SPAG16: variants seen among roughly 807,000 people sequenced by gnomAD.
SPAG16 encodes sperm-associated antigen 16 protein.
Under a neutral mutation model 80.4 loss-of-function variants are expected in SPAG16, and 86 were observed. That is an observed-to-expected ratio of 1.07 (90% confidence interval 0.90 to 1.28). The LOEUF (loss-of-function observed/expected upper bound fraction) is 1.28. Ranked by LOEUF, SPAG16 falls within the 50% of genes most tolerant of loss-of-function variation. The probability of loss-of-function intolerance (pLI) is 0.00; values close to 1 mark genes in which losing one functional copy is unlikely to be tolerated. For missense variants in SPAG16, 870 were observed against 765.3 expected (o/e 1.14, Z -1.61); for synonymous variants, 294 against 265.9 (o/e 1.11, Z -1.03).
At chr2:214,340,043 G>A (rs1697564033) in intron 15 of SPAG16, among the ~76,000 whole-genome samples, 1 of 152,188 alleles carries the variant, frequency 6.6e-6, no homozygotes, top group Non-Finnish European at 1.5e-5. Context: ...AAGTTGCTAA[G>A]TTTGTGGTAA....
chr2:214,323,544 T>A (rs1432502170), intron 15 of SPAG16, among the ~76,000 whole-genome samples: 2 of 152,316 alleles, frequency 1.3e-5, no homozygotes, highest in South Asian at 2.1e-4. Flanking sequence ...CCTAAGTGTA[T>A]TAAATCAAGG....
intron 13 of SPAG16, among the ~76,000 whole-genome samples, chr2:214,036,644 A>G (rs947214840): frequency 6.6e-6 from 1 of 152,168 alleles, no homozygotes; most frequent in African/African-American, 2.4e-5. Flanking sequence ...TGTCCTCTCT[A>G]CTAGTGACAA....
intron 15 of SPAG16, among the ~76,000 whole-genome samples, chr2:214,157,193 G>A (rs919745027): frequency 2.0e-5 from 3 of 152,092 alleles, no homozygotes; most frequent in Admixed American, 6.6e-5. Context: ...TATGCTCCAG[G>A]AATCATGCTT....
chr2:214,191,660 T>C (rs756125031), intron 15 of SPAG16, among the ~76,000 whole-genome samples: 10 of 133,486 alleles, frequency 7.5e-5, no homozygotes, highest in Non-Finnish European at 1.2e-4. Context: ...GTTGCAGTGA[T>C]CCAAGATCAT....
chr2:214,296,262 A>G (rs752066026), intron 15 of SPAG16, among the ~76,000 whole-genome samples: 4 of 152,216 alleles, frequency 2.6e-5, no homozygotes, highest in Non-Finnish European at 5.9e-5. Context: ...ATAGAATTCC[A>G]TAGTGTATAT....
intron 12 of SPAG16, among the ~76,000 whole-genome samples, chr2:213,946,586 T>G (rs2079484318): frequency 6.6e-6 from 1 of 152,196 alleles, no homozygotes; most frequent in African/African-American, 2.4e-5. Context: ...TCACCCAAAT[T>G]TTCCCGGTGA....
intron 15 of SPAG16, among the ~76,000 whole-genome samples, chr2:214,318,208 G>A: frequency 6.6e-6 from 1 of 151,988 alleles, no homozygotes; most frequent in South Asian, 2.1e-4. Flanking sequence ...TGCCCATTAT[G>A]ACTGATATGC....
chr2:213,835,003 C>G (rs1007199258), intron 10 of SPAG16, among the ~76,000 whole-genome samples: 2 of 152,108 alleles, frequency 1.3e-5, no homozygotes, highest in East Asian at 1.9e-4. Flanking sequence ...TATTTGAACT[C>G]TATCCCAGTT....
At chr2:213,762,585 C>T (rs558204314) in intron 10 of SPAG16, among the ~76,000 whole-genome samples, 4 of 152,092 alleles carry the variant, frequency 2.6e-5, no homozygotes, top group African/African-American at 7.2e-5. Context: ...ACTGGTTACC[C>T]TCATGTAAAA....
At chr2:213,771,394 C>T (rs1319841195) in intron 10 of SPAG16, among the ~76,000 whole-genome samples, 3 of 152,084 alleles carry the variant, frequency 2.0e-5, no homozygotes, top group Non-Finnish European at 1.5e-5. Flanking sequence ...TTCTCCTATT[C>T]TGTAGGTTGT....
At chr2:213,927,841 A>T (rs1256890800) in intron 11 of SPAG16, among the ~76,000 whole-genome samples, 1 of 152,246 alleles carries the variant, frequency 6.6e-6, no homozygotes, top group Non-Finnish European at 1.5e-5. Context: ...CCATAATAAC[A>T]TGATACCCAT....
intron 10 of SPAG16, among the ~76,000 whole-genome samples, chr2:213,763,484 CAT>C (rs2068769324): frequency 6.6e-6 from 1 of 152,106 alleles, no homozygotes; most frequent in Non-Finnish European, 1.5e-5. Context: ...TAGTCAAACT[CAT>C]AGAAGCAGAA....
intron 15 of SPAG16, among the ~76,000 whole-genome samples, chr2:214,231,919 T>C (rs984202883): frequency 1.3e-5 from 2 of 152,108 alleles, no homozygotes; most frequent in Admixed American, 6.6e-5. Context: ...AGAGACTATA[T>C]GCAGTTTTAT....
At chr2:214,248,834 G>A (rs536182717) in intron 15 of SPAG16, among the ~76,000 whole-genome samples, 1 of 152,284 alleles carries the variant, frequency 6.6e-6, no homozygotes, top group African/African-American at 2.4e-5. Flanking sequence ...GATGGTCTAG[G>A]AAGGACTCTC....
At chr2:213,720,560 C>T (rs1190217586) in intron 10 of SPAG16, among the ~76,000 whole-genome samples, 1 of 151,116 alleles carries the variant, frequency 6.6e-6, no homozygotes, top group Non-Finnish European at 1.5e-5. Flanking sequence ...ATGGTGTGAA[C>T]CTGGGAGGCG....
At chr2:213,768,305 A>C (rs2069054736) in intron 10 of SPAG16, among the ~76,000 whole-genome samples, 1 of 152,204 alleles carries the variant, frequency 6.6e-6, no homozygotes, top group African/African-American at 2.4e-5. Context: ...GTCACTAAAC[A>C]GGGCAATGAC....
chr2:214,230,762 G>A (rs1017742355), intron 15 of SPAG16, among the ~76,000 whole-genome samples: 3 of 151,922 alleles, frequency 2.0e-5, no homozygotes, highest in African/African-American at 7.2e-5. Context: ...TGATAGCCAA[G>A]AGAGAAGGCC....
intron 10 of SPAG16, among the ~76,000 whole-genome samples, chr2:213,588,646 C>CA (rs1328181762): frequency 6.6e-6 from 1 of 150,384 alleles, no homozygotes; most frequent in African/African-American, 2.4e-5. Context: ...ACTAAAAATA[C>CA]AAAAAATCAG....
intron 13 of SPAG16, among the ~76,000 whole-genome samples, chr2:214,044,522 GA>G (rs929197139): frequency 2.8e-4 from 42 of 152,096 alleles, no homozygotes; most frequent in African/African-American, 1.0e-3. Flanking sequence ...CCACCCACAA[GA>G]ACACAAAATT....
Sources: gnomAD v4.1 joint callset for allele counts (sites outside exome capture counted in the v4.1 genomes callset) on GRCh38, gnomAD v4.1.1 for gene constraint, MANE v1.5 for transcripts, NCBI Gene and HGNC (gene_info 2026-07-23, HGNC 2026-07-21) for gene names.